MYO3B: variants seen among roughly 807,000 people sequenced by gnomAD.
The protein encoded by MYO3B is myosin-IIIb.
A neutral mutation model predicts 174.6 loss-of-function variants in MYO3B; 156 were observed. The ratio of observed to expected loss-of-function variants is 0.89; its 90% CI spans 0.78 to 1.02. The LOEUF (loss-of-function observed/expected upper bound fraction) is 1.02. MYO3B is among the 50% of genes least tolerant of loss of function. The pLI is 0.00. For synonymous variants in MYO3B, 563 were observed against 569.1 expected (o/e 0.99, Z 0.15); for missense variants, 1,632 against 1,639.4 (o/e 1.00, Z 0.08).
intron 8 of MYO3B, among the ~76,000 whole-genome samples, chr2:170,357,342 T>A (rs2094129725): frequency 6.8e-6 from 1 of 146,382 alleles, no homozygotes; most frequent in Non-Finnish European, 1.5e-5. Flanking sequence ...ATATATATTA[T>A]ATATATATAT....
chr2:170,458,873 A>T (rs1353518524), intron 23 of MYO3B, among the ~76,000 whole-genome samples: 1 of 152,254 alleles, frequency 6.6e-6, no homozygotes, highest in Non-Finnish European at 1.5e-5. Context: ...AAATTCTTCA[A>T]TTAGAAAATA....
At chr2:170,180,092 G>T (rs567889922) in intron 1 of MYO3B, 56 of 379,280 alleles carry the variant, frequency 1.5e-4, no homozygotes, top group Non-Finnish European at 2.9e-4. Context: ...ATGTTGCTGG[G>T]CAAGTTTCTA....
chr2:170,345,663 T>G (rs902767578), intron 8 of MYO3B, among the ~76,000 whole-genome samples: 1 of 151,938 alleles, frequency 6.6e-6, no homozygotes, highest in Admixed American at 6.6e-5. Flanking sequence ...ATCCCCCATG[T>G]CATGGGTCGA....
chr2:170,491,880 C>T (rs1393584252), intron 25 of MYO3B, among the ~76,000 whole-genome samples: 2 of 152,062 alleles, frequency 1.3e-5, no homozygotes, highest in Non-Finnish European at 2.9e-5. Flanking sequence ...GTGGCAAAAC[C>T]CTGTCTCTAC....
chr2:170,407,990 G>C, intron 22 of MYO3B, 146 bp downstream of exon 22: 3 of 986,708 alleles, frequency 3.0e-6, no homozygotes, highest in Non-Finnish European at 4.5e-6. Flanking sequence ...TTCAAGAAAA[G>C]GAAAATGTTT....
At chr2:170,490,324 G>A (rs1374637323) in intron 25 of MYO3B, among the ~76,000 whole-genome samples, 5 of 152,086 alleles carry the variant, frequency 3.3e-5, no homozygotes, top group South Asian at 2.1e-4. Flanking sequence ...CACCGCACCC[G>A]GCCTCATTTT....
chr2:170,512,747 A>G (rs1688060848), intron 28 of MYO3B, among the ~76,000 whole-genome samples: 1 of 152,228 alleles, frequency 6.6e-6, no homozygotes, highest in Non-Finnish European at 1.5e-5. Flanking sequence ...AAAAAGGAGA[A>G]TAGGGATTAT....
intron 8 of MYO3B, among the ~76,000 whole-genome samples, chr2:170,361,464 A>G (rs930497015): frequency 6.6e-6 from 1 of 152,242 alleles, no homozygotes; most frequent in African/African-American, 2.4e-5. Flanking sequence ...GACTGCCTTA[A>G]TTCTCGGACA....
intron 25 of MYO3B, among the ~76,000 whole-genome samples, chr2:170,483,198 T>C (rs1162455512): frequency 2.6e-5 from 4 of 152,216 alleles, no homozygotes; most frequent in Non-Finnish European, 2.9e-5. Flanking sequence ...ATTTTCCAAA[T>C]GTTCTGTGTT....
intron 7 of MYO3B, among the ~76,000 whole-genome samples, chr2:170,298,624 A>G (rs2093643093): frequency 6.7e-6 from 1 of 149,566 alleles, no homozygotes; most frequent in Non-Finnish European, 1.5e-5. Context: ...CAGTGAGCCG[A>G]GATCACGCCA....
At chr2:170,305,725 G>T (rs2093696704) in intron 7 of MYO3B, among the ~76,000 whole-genome samples, 1 of 151,964 alleles carries the variant, frequency 6.6e-6, no homozygotes, top group Non-Finnish European at 1.5e-5. Context: ...GGCCAGTTGG[G>T]ACCATTAACA....
chr2:170,622,376 G>C (rs778534987), intron 32 of MYO3B, among the ~76,000 whole-genome samples: 2 of 152,108 alleles, frequency 1.3e-5, no homozygotes, highest in Non-Finnish European at 2.9e-5. Flanking sequence ...GTCCTGAGAA[G>C]AGCAACTTTT....
intron 28 of MYO3B, among the ~76,000 whole-genome samples, chr2:170,502,354 A>C (rs961355654): frequency 7.9e-5 from 12 of 152,244 alleles, no homozygotes; most frequent in Non-Finnish European, 1.8e-4. Context: ...AATTATATGC[A>C]AGACCTGTTT....
At chr2:170,332,853 C>T (rs80150586) in intron 7 of MYO3B, among the ~76,000 whole-genome samples, 1 of 152,122 alleles carries the variant, frequency 6.6e-6, no homozygotes, top group African/African-American at 2.4e-5. Context: ...GTACATTGTT[C>T]TCTATACTAA....
At chr2:170,596,044 T>A (rs1243587154) in intron 32 of MYO3B, among the ~76,000 whole-genome samples, 4 of 152,236 alleles carry the variant, frequency 2.6e-5, no homozygotes, top group Non-Finnish European at 5.9e-5. Context: ...TATTTTGAAA[T>A]GGATGTCTTC....
chr2:170,247,385 T>A (rs2093203195), intron 7 of MYO3B, among the ~76,000 whole-genome samples: 1 of 152,192 alleles, frequency 6.6e-6, no homozygotes, highest in South Asian at 2.1e-4. Flanking sequence ...CTGCTTCTTA[T>A]GTCTCAAAGG....
intron 3 of MYO3B, among the ~76,000 whole-genome samples, chr2:170,210,536 G>A (rs1166815153): frequency 4.6e-5 from 7 of 152,166 alleles, no homozygotes; most frequent in Non-Finnish European, 1.0e-4. Flanking sequence ...GTTCAGGCAA[G>A]GTTTGACTCC....
intron 7 of MYO3B, among the ~76,000 whole-genome samples, chr2:170,316,153 G>A (rs13429174): frequency 0.03 from 4,553 of 152,226 alleles, 239 homozygotes; most frequent in African/African-American, 0.1. Flanking sequence ...CAAAACTTCA[G>A]CCATACATGC....
intron 7 of MYO3B, among the ~76,000 whole-genome samples, chr2:170,270,816 A>G (rs2093420181): frequency 6.6e-6 from 1 of 152,212 alleles, no homozygotes; most frequent in Non-Finnish European, 1.5e-5. Flanking sequence ...ATGGCTAGCC[A>G]TTGCATGAAC....
Sources: gnomAD v4.1 joint callset for allele counts (sites outside exome capture counted in the v4.1 genomes callset) on GRCh38, gnomAD v4.1.1 for gene constraint, MANE v1.5 for transcripts, NCBI Gene and HGNC (gene_info 2026-07-23, HGNC 2026-07-21) for gene names.